PUM2: variants seen among roughly 807,000 people sequenced by gnomAD.
The protein encoded by PUM2 is pumilio homolog 2.
In PUM2, 57 loss-of-function variants were observed where a neutral mutation model predicts 124.5. The ratio of observed to expected loss-of-function variants is 0.46; its 90% confidence interval spans 0.37 to 0.57. The LOEUF (loss-of-function observed/expected upper bound fraction) is 0.57, where lower values mean the gene tolerates loss of function less well. Among genes scored for constraint, PUM2 ranks in the 20% least tolerant of loss-of-function variants. The probability of loss-of-function intolerance (pLI) is 0.00; values close to 1 mark genes in which losing one functional copy is unlikely to be tolerated. For missense variants in PUM2, 1,065 were observed against 1,290.6 expected (o/e 0.83, Z 2.68); for synonymous variants, 460 against 446.1 (o/e 1.03, Z -0.39).
chr2:20,301,603 T>C (rs577992606), intron 7 of PUM2, among the ~76,000 whole-genome samples: 1 of 152,322 alleles, frequency 6.6e-6, no homozygotes, highest in African/African-American at 2.4e-5. Flanking sequence ...CCTTTTTTTT[T>C]TGAGACAAGG....
intron 2 of PUM2, among the ~76,000 whole-genome samples, chr2:20,322,028 A>G (rs1682501003): frequency 6.6e-6 from 1 of 152,210 alleles, no homozygotes; most frequent in South Asian, 2.1e-4. Flanking sequence ...ACATGAGTAT[A>G]CCTATACTTC....
chr2:20,327,429 T>G lies in PUM2; in HGVS notation c.-18-51A>C. The G allele has an allele frequency of 9.7e-6, 11 of 1,135,232 alleles. No individual in the cohort carries two copies. In the South Asian group the frequency reaches 1.3e-4, roughly 14 times the overall value. The allele number at this position is 1,135,232 out of a possible 1,614,324, so 70.3% of individuals were successfully genotyped here. A position where few individuals can be genotyped will look rare whatever the true frequency, so the allele number is the denominator to read the frequency against. ...AGTACAAAGAAATGTTTAAACAGAC[T>G]TCTTCAACTATTTTTATATTATATT... On this transcript the variant is annotated intron_variant, in intron 1 of 20. Coordinates refer to ENST00000361078, the MANE Select transcript of PUM2 (RefSeq NM_015317.5).
intron 4 of PUM2, 116 bp downstream of exon 4, chr2:20,312,120 A>G (rs772268108): frequency 1.2e-4 from 113 of 968,366 alleles, no homozygotes; most frequent in Non-Finnish European, 1.6e-4. Context: ...AATAGTTACA[A>G]AATTTCTCTT....
chr2:20,299,545 G>C (rs1282006023), intron 7 of PUM2, among the ~76,000 whole-genome samples: 1 of 152,056 alleles, frequency 6.6e-6, no homozygotes, highest in Non-Finnish European at 1.5e-5. Context: ...GCACATGCCT[G>C]TAATCCCAGC....
chr2:20,334,645 T>C (rs1685605052), intron 1 of PUM2, among the ~76,000 whole-genome samples: 1 of 152,218 alleles, frequency 6.6e-6, no homozygotes, highest in Admixed American at 6.5e-5. Context: ...TGACTAAGTA[T>C]TTACATATCT....
chr2:20,266,770 A>C (rs1667759318), intron 13 of PUM2, among the ~76,000 whole-genome samples: 1 of 152,134 alleles, frequency 6.6e-6, no homozygotes, highest in African/African-American at 2.4e-5. Flanking sequence ...TTCGAGATTA[A>C]AGAAAAGAGC....
intron 1 of PUM2, 152 bp downstream of exon 1, chr2:20,350,445 G>C: frequency 7.2e-6 from 7 of 971,562 alleles, no homozygotes; most frequent in Admixed American, 6.2e-5. Flanking sequence ...TTGTGCGAGC[G>C]GGCCCCAGGC....
chr2:20,339,584 A>G (rs1299251570), intron 1 of PUM2, among the ~76,000 whole-genome samples: 1 of 152,222 alleles, frequency 6.6e-6, no homozygotes, highest in Non-Finnish European at 1.5e-5. Flanking sequence ...GATTTAAAAG[A>G]AAAAAGAAAA....
chr2:20,299,346 T>A (rs2148361800), intron 7 of PUM2, among the ~76,000 whole-genome samples: 1 of 152,050 alleles, frequency 6.6e-6, no homozygotes, highest in Non-Finnish European at 1.5e-5. Flanking sequence ...TAGTCTGTGT[T>A]GTCATGGCAT....
intron 1 of PUM2, among the ~76,000 whole-genome samples, chr2:20,331,220 G>A: frequency 6.6e-6 from 1 of 152,096 alleles, no homozygotes; most frequent in East Asian, 1.9e-4. Context: ...CGAAAGGGTA[G>A]GGGATGAGAA....
In PUM2 at chr2:20,295,115, G is replaced by C. The variant is rs549454436; in HGVS notation, c.1010-597C>G. ...TATGTGGTTAGGAAAATGAAACTGAGTCAAGACAAGAAAGCACTAGATAAT... is the reference window on the plus strand; with the variant it reads ...TATGTGGTTAGGAAAATGAAACTGACTCAAGACAAGAAAGCACTAGATAAT... On this transcript the variant is annotated intron_variant, in intron 8 of 20. Transcript: ENST00000361078. Among the ~76,000 whole-genome samples, 10 of 152,152 alleles carry C rather than the reference G, an allele frequency of 6.6e-5. No individual in the cohort carries two copies. In the South Asian group the frequency reaches 1.9e-3, roughly 28 times the overall value.
At chr2:20,253,606 A>G (rs1262085393) in intron 20 of PUM2, among the ~76,000 whole-genome samples, 1 of 151,932 alleles carries the variant, frequency 6.6e-6, no homozygotes, top group African/African-American at 2.4e-5. Flanking sequence ...CAGCCTCCCA[A>G]TCTGCTGGAA....
At chr2:20,314,118 C>T (rs535145639) in intron 3 of PUM2, among the ~76,000 whole-genome samples, 2 of 151,970 alleles carry the variant, frequency 1.3e-5, no homozygotes, top group African/African-American at 4.8e-5. Context: ...TGCACTCCAG[C>T]CTGGGTGACA....
At position 20,294,468 on chromosome 2, in the gene PUM2, G is replaced by A. The variant is rs1675016533; in HGVS notation, c.1060C>T (p.Pro354Ser). 4 of 1,614,000 alleles carry A rather than the reference G, an allele frequency of 2.5e-6. No individual in the cohort carries two copies. Among genetic ancestry groups the A allele is most frequent in the Non-Finnish European group, 3.4e-6 (4 of 1,180,044 alleles). The change falls in exon 9 of 21, where the codon CCA becomes TCA. Residue 354 changes from proline (P) to serine (S), a missense_variant. Physicochemically the swap from Pro to Ser is moderately conservative, Grantham distance 74. Coordinates refer to ENST00000361078, the MANE Select transcript of PUM2 (RefSeq NM_015317.5). ...GCTTGCTGCTGAAATAAGTTGGCTG[G>A]ATACACCCCCCATGGAACGCCGTAA... Reference protein sequence around the residue: ...QYYGVPWGVYPANLFQQQAAA... With the variant: ...QYYGVPWGVYSANLFQQQAAA...
At position 20,294,434 on chromosome 2, in the gene PUM2, G is replaced by A. The variant is rs773563950; in HGVS notation, c.1094C>T (p.Ala365Val). 2.3e-5 allele frequency: 37 copies of A among 1,614,028 alleles called. No individual in the cohort carries two copies. In the East Asian group the frequency reaches 4.5e-4, roughly 19 times the overall value. ...ANLFQQQAAA[A>V]ANNTASQQAA... ...TTGCTGACTGGCTGTGTTATTTGCC[G>A]CAGCTGCAGCTTGCTGCTGAAATAA... is the stretch of plus-strand genomic sequence containing the variant. The change falls in exon 9 of 21, where the codon GCG (alanine) becomes GTG (valine). Residue 365 changes from alanine (A) to valine (V), a missense_variant. Physicochemically the swap from Ala to Val is moderately conservative, Grantham distance 64. Around this residue, in one of 3 missense-constraint regions of PUM2, gnomAD observed 968 missense variants for 1,159.8 expected, o/e 0.83. Coordinates refer to ENST00000361078, the MANE Select transcript of PUM2 (RefSeq NM_015317.5).
At chr2:20,253,732 C>T in intron 20 of PUM2, 90 bp downstream of exon 20, 1 of 1,188,336 alleles carries the variant, frequency 8.4e-7, no homozygotes, top group South Asian at 1.8e-5. Context: ...CCAGTTATAA[C>T]ATACGGGAGG....
intron 7 of PUM2, among the ~76,000 whole-genome samples, chr2:20,304,675 C>T (rs554737978): frequency 1.3e-4 from 20 of 152,208 alleles, no homozygotes; most frequent in African/African-American, 3.4e-4. Context: ...AAAAATTTTC[C>T]ACATATAGTC....
chr2:20,293,317 C>G (rs898065430), intron 9 of PUM2, among the ~76,000 whole-genome samples: 3 of 152,134 alleles, frequency 2.0e-5, no homozygotes, highest in African/African-American at 7.2e-5. Context: ...TTACATTTGT[C>G]CAAACATACA....
chr2:20,324,027 TTTAAGATAGAA>T (rs1683071654), intron 2 of PUM2, among the ~76,000 whole-genome samples: 2 of 151,782 alleles, frequency 1.3e-5, no homozygotes, highest in Non-Finnish European at 2.9e-5. Context: ...GTGGGTAAAG[TTTAAGATAGAA>T]TTAAGATAGA....
Sources: gnomAD v4.1 joint callset for allele counts (sites outside exome capture counted in the v4.1 genomes callset) on GRCh38, gnomAD v4.1.1 for gene constraint, gnomAD v4.1.1 regional missense constraint, MANE v1.5 for transcripts, NCBI Gene and HGNC (gene_info 2026-07-23, HGNC 2026-07-21) for gene names.